IGF1R: variants seen among roughly 807,000 people sequenced by gnomAD.
The protein encoded by IGF1R is insulin like growth factor 1 receptor.
IGF1R carries 44 observed loss-of-function variants against 144.6 expected under a neutral mutation model. The observed-to-expected ratio is 0.30, with a 90% CI of 0.24 to 0.39. The LOEUF (loss-of-function observed/expected upper bound fraction) is 0.39, where lower values mean the gene tolerates loss of function less well. IGF1R is among the 10% of genes least tolerant of loss of function. The pLI, the probability that IGF1R is intolerant of heterozygous loss-of-function variation, is 1.00. For missense variants in IGF1R, 1,355 were observed against 1,833.7 expected, an observed-to-expected ratio of 0.74 and a Z score of 4.77; for synonymous variants, 795 against 722.8, an observed-to-expected ratio of 1.10 and a Z score of -1.60.
chr15:98,754,307 A>C (rs140230060), intron 2 of IGF1R, among the ~76,000 whole-genome samples: 1 of 152,258 alleles, frequency 6.6e-6, no homozygotes, highest in East Asian at 1.9e-4. Context: ...GAGGATTTGG[A>C]AGTAGAGGGC....
At chr15:98,806,590 A>G (rs1409878053) in intron 2 of IGF1R, among the ~76,000 whole-genome samples, 1 of 152,254 alleles carries the variant, frequency 6.6e-6, no homozygotes, top group Non-Finnish European at 1.5e-5. Context: ...AGGTGTTACC[A>G]GGACGCCTAA....
At chr15:98,750,327 G>A (rs577643443) in intron 2 of IGF1R, among the ~76,000 whole-genome samples, 1 of 152,238 alleles carries the variant, frequency 6.6e-6, no homozygotes, top group East Asian at 1.9e-4. Context: ...CAGGCAAGGG[G>A]GCTGGCCTCC....
chr15:98,868,016 C>T (rs1425579717), intron 2 of IGF1R, among the ~76,000 whole-genome samples: 30 of 152,132 alleles, frequency 2.0e-4, no homozygotes, highest in South Asian at 2.1e-4. Flanking sequence ...GCCTGGCCAA[C>T]GTGACGAAAC....
intron 2 of IGF1R, among the ~76,000 whole-genome samples, chr15:98,779,231 T>C (rs893810503): frequency 5.9e-5 from 9 of 152,252 alleles, no homozygotes; most frequent in South Asian, 4.1e-4. Flanking sequence ...TCACCTGTTA[T>C]ATAATCCAGC....
chr15:98,901,045 T>C (rs141125505), intron 5 of IGF1R, among the ~76,000 whole-genome samples: 51 of 152,376 alleles, frequency 3.3e-4, no homozygotes, highest in Admixed American at 3.2e-3. Flanking sequence ...CTAAGTATTG[T>C]GCACTTAAAT....
At chr15:98,807,040 T>A (rs2056487274) in intron 2 of IGF1R, among the ~76,000 whole-genome samples, 1 of 152,260 alleles carries the variant, frequency 6.6e-6, no homozygotes, top group South Asian at 2.1e-4. Flanking sequence ...TAACGTCTGA[T>A]GTGACCTGTT....
At chr15:98,763,141 T>G (rs2055348758) in intron 2 of IGF1R, among the ~76,000 whole-genome samples, 2 of 152,186 alleles carry the variant, frequency 1.3e-5, no homozygotes, top group Non-Finnish European at 2.9e-5. Context: ...CAACTAAATT[T>G]AAAAGGAAAA....
rs149197070 is a variant in IGF1R at position 98,868,373 on chromosome 15, G to T, written c.641-22952G>T. 6.2e-3 allele frequency among the ~76,000 whole-genome samples: 767 copies of T among 122,778 alleles called. 16 individuals are homozygous for T. Among genetic ancestry groups the T allele is most frequent in the African/African-American group, 0.019 (638 of 33,004 alleles). The allele number at this position is 122,778 out of a possible 152,430, so 80.5% of individuals were successfully genotyped here. On this transcript the variant is annotated intron_variant, in intron 2 of 20. Transcript: ENST00000650285. ...AAATCTGTTGGGTTTTTTTTTTTGGGGGGGGGGTCCTTTAGAATGGCCCTG... is the reference window on the plus strand; with the variant it reads ...AAATCTGTTGGGTTTTTTTTTTTGGTGGGGGGGTCCTTTAGAATGGCCCTG...
chr15:98,725,073 C>T (rs550659123), intron 2 of IGF1R, among the ~76,000 whole-genome samples: 2 of 152,316 alleles, frequency 1.3e-5, no homozygotes, highest in African/African-American at 2.4e-5. Flanking sequence ...ACCTGGGACA[C>T]CCTCCAGCCC....
chr15:98,938,707 T>C (rs1567211396), intron 17 of IGF1R, among the ~76,000 whole-genome samples: 1 of 152,200 alleles, frequency 6.6e-6, no homozygotes, highest in African/African-American at 2.4e-5. Context: ...AAGGATTAAA[T>C]AATTTATAAC....
chr15:98,766,032 G>C (rs1276707325), intron 2 of IGF1R, among the ~76,000 whole-genome samples: 1 of 152,180 alleles, frequency 6.6e-6, no homozygotes, highest in African/African-American at 2.4e-5. Flanking sequence ...GAGGAGGAAG[G>C]TGTTCTCTAC....
At chr15:98,790,156 T>C (rs941943334) in intron 2 of IGF1R, among the ~76,000 whole-genome samples, 2 of 152,164 alleles carry the variant, frequency 1.3e-5, no homozygotes, top group African/African-American at 4.8e-5. Flanking sequence ...GCTTGGTCAT[T>C]GCAGTGTGTG....
chr15:98,795,433 G>A (rs564796097), intron 2 of IGF1R, among the ~76,000 whole-genome samples: 1 of 151,928 alleles, frequency 6.6e-6, no homozygotes, highest in East Asian at 1.9e-4. Context: ...GTTTTGTTTT[G>A]AGATGGAGTC....
intron 2 of IGF1R, among the ~76,000 whole-genome samples, chr15:98,773,957 A>AT (rs1400837507): frequency 6.6e-6 from 1 of 152,028 alleles, no homozygotes; most frequent in Non-Finnish European, 1.5e-5. Context: ...AACCTACCCT[A>AT]TTTTTGTATT....
At chr15:98,920,141 A>G (rs1466049141) in intron 10 of IGF1R, among the ~76,000 whole-genome samples, 1 of 152,194 alleles carries the variant, frequency 6.6e-6, no homozygotes, top group Non-Finnish European at 1.5e-5. Flanking sequence ...GTTTTCCAAT[A>G]GGGCTAGGTT....
chr15:98,937,462 G>A (rs1405276033), intron 17 of IGF1R, among the ~76,000 whole-genome samples: 1 of 152,180 alleles, frequency 6.6e-6, no homozygotes, highest in African/African-American at 2.4e-5. Flanking sequence ...GGTGGGACAA[G>A]ATTACTGAAG....
Position 98,961,833 on chromosome 15 carries a change from C to G in IGF1R, c.*4391C>G. On this transcript the variant is annotated 3_prime_UTR_variant, in exon 21 of 21. Coordinates refer to ENST00000650285, the MANE Select transcript of IGF1R (RefSeq NM_000875.5). Reference sequence around the variant, plus strand: ...GCCTCCTCCTTGGAAGATGGAAGACCGTGTTCGTGGCCGACCTGGCCTCTC... The same window carrying G: ...GCCTCCTCCTTGGAAGATGGAAGACGGTGTTCGTGGCCGACCTGGCCTCTC... 4.3e-6 allele frequency: 1 copy of G among 233,180 alleles called. No homozygotes were observed. The highest frequency in any genetic ancestry group is 8.5e-6 in the Non-Finnish European group (1 of 118,030). The allele number at this position is 233,180 out of a possible 1,614,324, so 14.4% of individuals were successfully genotyped here. A position where few individuals can be genotyped will look rare whatever the true frequency, so the allele number is the denominator to read the frequency against.
chr15:98,693,130 G>A (rs1395659639), intron 1 of IGF1R, among the ~76,000 whole-genome samples: 5 of 152,168 alleles, frequency 3.3e-5, no homozygotes, highest in South Asian at 2.1e-4. Context: ...CCATATGAAC[G>A]TCCTTGCTAT....
At chr15:98,826,821 C>A (rs765868956) in intron 2 of IGF1R, among the ~76,000 whole-genome samples, 2 of 152,178 alleles carry the variant, frequency 1.3e-5, no homozygotes. Flanking sequence ...TATTTTGTTG[C>A]TGACAAGTAT....
Sources: gnomAD v4.1 joint callset for allele counts (sites outside exome capture counted in the v4.1 genomes callset) on GRCh38, gnomAD v4.1.1 for gene constraint, MANE v1.5 for transcripts, NCBI Gene and HGNC (gene_info 2026-07-23, HGNC 2026-07-21) for gene names.